Variants in HIPK3 observed in about 807,000 individuals in gnomAD.
HIPK3 encodes the protein homeodomain-interacting protein kinase 3.
In HIPK3, 47 loss-of-function variants were observed where a neutral mutation model predicts 124.2. That is an observed-to-expected ratio of 0.38 (90% confidence interval 0.30 to 0.48). The LOEUF (loss-of-function observed/expected upper bound fraction) is 0.48. HIPK3 is among the 20% of genes least tolerant of loss of function. The probability of loss-of-function intolerance (pLI) is 0.98; values close to 1 mark genes in which losing one functional copy is unlikely to be tolerated. For missense variants in HIPK3, 1,286 were observed against 1,454.3 expected, an observed-to-expected ratio of 0.88 and a Z score of 1.88; for synonymous variants, 482 against 515.2, an observed-to-expected ratio of 0.94 and a Z score of 0.87.
rs11032229 is a variant in HIPK3, at chr11:33,339,420, G to A, written c.1499G>A (p.Ser500Asn). 2,661 of 1,613,522 alleles carry A rather than the reference G, an allele frequency of 1.6e-3. 39 individuals carry two copies. The African/African-American group carries it at 0.032, about 19-fold the overall frequency. ...AAAGCTGATAGAAGAGAATTTGTTA[G>A]TCTGTTGAAGAAAATGTTGCTGATT... Reference protein sequence around the residue: ...AEKADRREFVSLLKKMLLIDA... With the variant: ...AEKADRREFVNLLKKMLLIDA... Residue 500 changes from serine to asparagine, a missense_variant, in exon 6 of 17, where the codon AGT (serine) becomes AAT (asparagine). Transcript: ENST00000303296.
chr11:33,283,921 C>T (rs1318911252), intron 1 of HIPK3, among the ~76,000 whole-genome samples: 8 of 152,042 alleles, frequency 5.3e-5, no homozygotes, highest in South Asian at 2.1e-4. Context: ...GTGATCTGCC[C>T]GCCTCGGCCT....
chr11:33,329,544 T>G (rs1237561680), intron 3 of HIPK3, among the ~76,000 whole-genome samples: 1 of 152,228 alleles, frequency 6.6e-6, no homozygotes, highest in African/African-American at 2.4e-5. Flanking sequence ...TTAGGTGACT[T>G]AAATGTTCCT....
At chr11:33,294,023 C>T (rs1011616712) in intron 2 of HIPK3, among the ~76,000 whole-genome samples, 7 of 151,932 alleles carry the variant, frequency 4.6e-5, no homozygotes, top group South Asian at 2.1e-4. Context: ...AAAAATTGGC[C>T]GGGCATGGTG....
rs1204114213 is a variant in HIPK3 at position 33,286,526 on chromosome 11, A to G, written c.112A>G (p.Arg38Gly). Reference protein sequence around the residue: ...VEPSSCVFQERNYPRTYVNGR... With the variant: ...VEPSSCVFQEGNYPRTYVNGR... ...GCCAAGCAGTTGTGTATTCCAGGAAAGAAACTATCCACGGACCTATGTGAA... is the reference window on the plus strand; with the variant it reads ...GCCAAGCAGTTGTGTATTCCAGGAAGGAAACTATCCACGGACCTATGTGAA... The change falls in exon 2 of 17, where the codon AGA becomes GGA. Residue 38 changes from arginine to glycine, a missense_variant. By Grantham distance (125) the Arg-to-Gly change is moderately radical. This residue lies in a region of HIPK3 where 225 missense variants were observed against 240.3 expected (regional missense o/e 0.94). Transcript: ENST00000303296. 1.9e-6 allele frequency: 3 copies of G among 1,614,022 alleles called. No homozygotes were observed. The highest frequency in any genetic ancestry group is 1.7e-5 in the Admixed American group (1 of 59,988).
chr11:33,299,211 C>T (rs535844931), intron 2 of HIPK3, among the ~76,000 whole-genome samples: 4 of 151,612 alleles, frequency 2.6e-5, no homozygotes, highest in African/African-American at 7.3e-5. Flanking sequence ...CGGTGGCTCA[C>T]GCCTGTAATC....
At chr11:33,280,534 A>G (rs531419995) in intron 1 of HIPK3, among the ~76,000 whole-genome samples, 1 of 152,274 alleles carries the variant, frequency 6.6e-6, no homozygotes, top group African/African-American at 2.4e-5. Flanking sequence ...CCTTCTGATG[A>G]ACTATAACTT....
chr11:33,340,898 G>T, intron 6 of HIPK3, 70 bp from the exon 7 acceptor site: 1 of 908,198 alleles, frequency 1.1e-6, no homozygotes, highest in East Asian at 2.8e-5. Flanking sequence ...TTTTTATTTT[G>T]TCAATGTACC....
At chr11:33,327,417 T>A (rs1470230634) in intron 2 of HIPK3, among the ~76,000 whole-genome samples, 1 of 152,158 alleles carries the variant, frequency 6.6e-6, no homozygotes. Context: ...ACTTAGGAAT[T>A]ATTCCATATT....
rs774743730 is a variant in HIPK3 at position 33,351,687 on chromosome 11, C to T, written c.2887C>T (p.Pro963Ser). 1.9e-5 allele frequency: 30 copies of T among 1,614,172 alleles called. No individual in the cohort carries two copies. In the South Asian group the frequency reaches 3.1e-4, roughly 17 times the overall value. ...ATCTGACTCTTCCGGGCATGACAGT[C>T]CATTTGCAGAGAGCACTTTTGTGGA... Reference protein sequence around the residue: ...PTSDSSGHDSPFAESTFVEDT... With the variant: ...PTSDSSGHDSSFAESTFVEDT... Residue 963 changes from proline to serine, a missense_variant, in exon 15 of 17, where the codon CCA (proline) becomes TCA (serine). By Grantham distance (74) the Pro-to-Ser change is moderately conservative. Around this residue, in one of 3 missense-constraint regions of HIPK3, gnomAD observed 810 missense variants for 864.9 expected, o/e 0.94. Transcript: ENST00000303296.
intron 2 of HIPK3, among the ~76,000 whole-genome samples, chr11:33,305,090 C>G (rs1254398383): frequency 6.6e-6 from 1 of 152,126 alleles, no homozygotes; most frequent in Non-Finnish European, 1.5e-5. Context: ...AGCCTCTGCC[C>G]GCCGAGTTCA....
At chr11:33,313,986 G>A (rs1315154548) in intron 2 of HIPK3, among the ~76,000 whole-genome samples, 1 of 152,050 alleles carries the variant, frequency 6.6e-6, no homozygotes, top group Admixed American at 6.6e-5. Flanking sequence ...GGGACTGAAG[G>A]TGTGCATGAT....
chr11:33,259,554 G>C (rs755269587), intron 1 of HIPK3, among the ~76,000 whole-genome samples: 10 of 152,178 alleles, frequency 6.6e-5, no homozygotes, highest in Non-Finnish European at 1.5e-4. Flanking sequence ...GCCAGATACA[G>C]TTATTTAGTT....
intron 2 of HIPK3, among the ~76,000 whole-genome samples, chr11:33,327,629 A>C (rs1852851184): frequency 6.6e-6 from 1 of 152,188 alleles, no homozygotes. Flanking sequence ...CTTTGTAGGA[A>C]CTATAAAGTA....
intron 1 of HIPK3, among the ~76,000 whole-genome samples, chr11:33,269,598 T>C (rs181776047): frequency 1.3e-5 from 2 of 151,834 alleles, no homozygotes; most frequent in Non-Finnish European, 3.0e-5. Flanking sequence ...TAATTGTGCC[T>C]CTTCAAGTCT....
chr11:33,267,317 T>A (rs1376268455), intron 1 of HIPK3, among the ~76,000 whole-genome samples: 1 of 151,762 alleles, frequency 6.6e-6, no homozygotes, highest in Admixed American at 6.6e-5. Flanking sequence ...TTCACCATGT[T>A]GGTCAGGCTG....
At chr11:33,317,251 C>T (rs1342995345) in intron 2 of HIPK3, among the ~76,000 whole-genome samples, 3 of 146,964 alleles carry the variant, frequency 2.0e-5, no homozygotes, top group Middle Eastern at 3.7e-3. Context: ...GGATTACAGG[C>T]GTGAGCCACT....
At chr11:33,331,512 GA>G (rs1474147739) in intron 3 of HIPK3, among the ~76,000 whole-genome samples, 3 of 152,052 alleles carry the variant, frequency 2.0e-5, no homozygotes, top group African/African-American at 7.2e-5. Flanking sequence ...AGTAGCTGGG[GA>G]TACAGGTGTG....
At chr11:33,344,965 AATT>A (rs1204532536) in intron 8 of HIPK3, among the ~76,000 whole-genome samples, 1 of 152,196 alleles carries the variant, frequency 6.6e-6, no homozygotes, top group Non-Finnish European at 1.5e-5. Context: ...ATTTAAAAAT[AATT>A]ATTGGGCAGC....
Position 33,281,058 on chromosome 11 carries a change from C to CTTTTTTTTTTT in HIPK3, c.-2-5336_-2-5326dup, listed in dbSNP as rs56902582. Among the ~76,000 whole-genome samples, 12 of 111,808 alleles carry CTTTTTTTTTTT rather than the reference C, an allele frequency of 1.1e-4. 2 individuals are homozygous for CTTTTTTTTTTT. The highest frequency in any genetic ancestry group is 1.4e-4 in the African/African-American group (4 of 28,282). 73.4% of individuals were successfully genotyped at this position (111,808 alleles called of 152,430 possible). ...TTTATGTGTATATTTACTTATTTGA[C>CTTTTTTTTTTT]TTTTTTTTTTTTTTTTTTTTTTTTT... On this transcript the variant is annotated intron_variant, in intron 1 of 16. Coordinates refer to ENST00000303296, the MANE Select transcript of HIPK3 (RefSeq NM_005734.5).
Sources: gnomAD v4.1 joint callset for allele counts (sites outside exome capture counted in the v4.1 genomes callset) on GRCh38, gnomAD v4.1.1 for gene constraint, gnomAD v4.1.1 regional missense constraint, MANE v1.5 for transcripts, NCBI Gene and HGNC (gene_info 2026-07-23, HGNC 2026-07-21) for gene names.